Variants in ASXL3 observed in about 807,000 individuals in gnomAD.
ASXL3 encodes ASXL transcriptional regulator 3, also known as putative Polycomb group protein ASXL3.
A neutral mutation model predicts 170.6 loss-of-function variants in ASXL3; 34 were observed. The ratio of observed to expected loss-of-function variants is 0.20; its 90% CI spans 0.15 to 0.27. The LOEUF is 0.27. Among genes scored for constraint, ASXL3 ranks in the 10% least tolerant of loss-of-function variants. The pLI is 1.00. For synonymous variants in ASXL3, 1,002 were observed against 989.1 expected (o/e 1.01, Z -0.24); for missense variants, 2,592 against 2,695.3 (o/e 0.96, Z 0.85).
At chr18:33,721,659 TTCTC>T (rs1168539788) in intron 8 of ASXL3, among the ~76,000 whole-genome samples, 2 of 152,100 alleles carry the variant, frequency 1.3e-5, no homozygotes, top group Admixed American at 6.6e-5. Flanking sequence ...TCGGTAATAT[TTCTC>T]TCTAAAATTT....
rs1003499060 is a variant in ASXL3, at chr18:33,638,841, G to A, written c.138-6053G>A. 1.9e-4 allele frequency among the ~76,000 whole-genome samples: 29 copies of A among 152,050 alleles called. No homozygotes were observed. In the East Asian group the frequency reaches 2.1e-3, roughly 11 times the overall value. ...CATTATAGATGCTCAATAAATGGTA[G>A]CTATAGTAATAGATGTGTTGCCATC... On this transcript the variant is annotated intron_variant, in intron 2 of 11. Coordinates refer to ENST00000269197, the MANE Select transcript of ASXL3 (RefSeq NM_030632.3).
chr18:33,677,024 A>G (rs911229192), intron 7 of ASXL3, among the ~76,000 whole-genome samples: 12 of 152,308 alleles, frequency 7.9e-5, no homozygotes, highest in African/African-American at 2.9e-4. Context: ...AGTTTTAATT[A>G]TACTTCTTCC....
intron 4 of ASXL3, among the ~76,000 whole-genome samples, chr18:33,651,713 G>C (rs568226618): frequency 7.2e-4 from 109 of 152,228 alleles, no homozygotes; most frequent in African/African-American, 2.5e-3. Context: ...TGAGAAGAAA[G>C]TATTTTGTAA....
intron 1 of ASXL3, among the ~76,000 whole-genome samples, chr18:33,599,677 G>A (rs2065164207): frequency 1.3e-5 from 2 of 151,958 alleles, no homozygotes; most frequent in African/African-American, 2.4e-5. Context: ...GTTTTTTTGG[G>A]GCATGTAGAA....
At chr18:33,741,537 TAGG>T (rs2067662905) in intron 11 of ASXL3, among the ~76,000 whole-genome samples, 1 of 152,210 alleles carries the variant, frequency 6.6e-6, no homozygotes, top group Non-Finnish European at 1.5e-5. Flanking sequence ...ATTTTTTACA[TAGG>T]AGAAATATTA....
rs189238189 is a variant in ASXL3 at position 33,663,560 on chromosome 18, A to G, written c.477+1823A>G. On this transcript the variant is annotated intron_variant, in intron 5 of 11. Transcript: ENST00000269197. The stretch of plus-strand genomic sequence containing the variant: ...ACTGCCACTGCTTGCTTAGAGTCTA[A>G]GCTTTGTTTTAAGAATCATGTCCTG... 4.7e-3 allele frequency among the ~76,000 whole-genome samples: 713 copies of G among 151,380 alleles called. 4 individuals carry two copies. The highest frequency in any genetic ancestry group is 0.016 in the African/African-American group (672 of 40,788).
intron 1 of ASXL3, among the ~76,000 whole-genome samples, chr18:33,586,622 T>G (rs1234438710): frequency 6.6e-6 from 1 of 152,072 alleles, no homozygotes; most frequent in Non-Finnish European, 1.5e-5. Context: ...TTAGTGTTGG[T>G]GTATTTCAGG....
At chr18:33,635,963 G>T (rs1404004390) in intron 2 of ASXL3, among the ~76,000 whole-genome samples, 1 of 152,190 alleles carries the variant, frequency 6.6e-6, no homozygotes, top group African/African-American at 2.4e-5. Context: ...TCTATCTCCT[G>T]TGGAATTTCC....
At chr18:33,582,033 C>T (rs1212320597) in intron 1 of ASXL3, among the ~76,000 whole-genome samples, 1 of 152,240 alleles carries the variant, frequency 6.6e-6, no homozygotes, top group South Asian at 2.1e-4. Context: ...TGTTACTTTG[C>T]GCATTGCCAT....
Position 33,748,206 on chromosome 18 carries a change from C to T in ASXL3, c.*1611C>T, listed in dbSNP as rs142237345. 1.8e-3 allele frequency: 271 copies of T among 152,300 alleles called. 3 individuals are homozygous for T. Among genetic ancestry groups the T allele is most frequent in the African/African-American group, 5.6e-3 (234 of 41,556 alleles). The allele number at this position is 152,300 out of a possible 1,614,324, so 9.4% of individuals were successfully genotyped here. A position where few individuals can be genotyped will look rare whatever the true frequency, so the allele number is the denominator to read the frequency against. On this transcript the variant is annotated 3_prime_UTR_variant, in exon 12 of 12. Transcript: ENST00000269197. ...ATCCTAATCACTGTAAACTTTTTGA[C>T]ATTCCCGTAAAACACGTCTTAAAAG...
intron 8 of ASXL3, among the ~76,000 whole-genome samples, chr18:33,689,284 G>A (rs1444767511): frequency 6.6e-6 from 1 of 152,130 alleles, no homozygotes; most frequent in East Asian, 1.9e-4. Flanking sequence ...ATTAGCCACC[G>A]CGCTCAGCCA....
Position 33,634,160 on chromosome 18 carries a change from T to C in ASXL3, c.138-10734T>C, listed in dbSNP as rs1185486821. On this transcript the variant is annotated intron_variant, in intron 2 of 11. Coordinates refer to ENST00000269197, the MANE Select transcript of ASXL3 (RefSeq NM_030632.3). ...TTCCATGTAATTACATTTGCTTGCA[T>C]GAAAACATTAATTGAATCAAGGCAA... Among the ~76,000 whole-genome samples the C allele has an allele frequency of 3.9e-5, 6 of 152,190 alleles. No individual in the cohort carries two copies. In the South Asian group the frequency reaches 1.0e-3, roughly 26 times the overall value.
rs761010321 is a variant in ASXL3, at chr18:33,744,187, G to T, written c.4339G>T (p.Ala1447Ser). 4.3e-6 allele frequency: 7 copies of T among 1,613,944 alleles called. No homozygotes were observed. In the South Asian group the frequency reaches 7.7e-5, roughly 18 times the overall value. The change falls in exon 12 of 12, where the codon GCA becomes TCA. Residue 1447 changes from alanine to serine, a missense_variant. Physicochemically the swap from Ala to Ser is moderately conservative, Grantham distance 99 (BLOSUM62 1). Coordinates refer to ENST00000269197, the MANE Select transcript of ASXL3 (RefSeq NM_030632.3). ...LDKNSGPRNR[A>S]DNSGKPQQPP... ...CAAAAATTCAGGGCCTCGAAACAGG[G>T]CAGATAATTCTGGAAAACCTCAGCA...
At chr18:33,668,117 C>T (rs1307656248) in intron 5 of ASXL3, among the ~76,000 whole-genome samples, 1 of 152,168 alleles carries the variant, frequency 6.6e-6, no homozygotes, top group Non-Finnish European at 1.5e-5. Flanking sequence ...TTAACCACTG[C>T]ATCACACTGC....
chr18:33,750,494 CCCTGCTTCATGGAAA>C lies in ASXL3; in HGVS notation c.*3904_*3918del, dbSNP rs2067867427. ...TTGTACTGCTGTATTCCCCTCCTTC[CCCTGCTTCATGGAAA>C]CCTGATATGATACATATTTTCAGTA... On this transcript the variant is annotated 3_prime_UTR_variant, in exon 12 of 12. Transcript: ENST00000269197. 6.6e-6 allele frequency: 1 copy of C among 151,618 alleles called. No homozygotes were observed. The highest frequency in any genetic ancestry group is 6.6e-5 in the Admixed American group (1 of 15,246). 9.4% of individuals were successfully genotyped at this position (151,618 alleles called of 1,614,324 possible). A position where few individuals can be genotyped will look rare whatever the true frequency, so the allele number is the denominator to read the frequency against.
intron 7 of ASXL3, among the ~76,000 whole-genome samples, chr18:33,675,768 C>T (rs2066415308): frequency 6.6e-6 from 1 of 152,068 alleles, no homozygotes; most frequent in South Asian, 2.1e-4. Flanking sequence ...AGTATGTTCT[C>T]TCAACACTCT....
intron 2 of ASXL3, among the ~76,000 whole-genome samples, chr18:33,623,702 A>G (rs1044041266): frequency 2.0e-4 from 30 of 152,186 alleles, no homozygotes; most frequent in Non-Finnish European, 1.0e-4. Context: ...TCATGTTTCC[A>G]TAAGAAATAT....
chr18:33,723,357 G>A (rs1454383148), intron 8 of ASXL3, among the ~76,000 whole-genome samples: 1 of 152,102 alleles, frequency 6.6e-6, no homozygotes, highest in Non-Finnish European at 1.5e-5. Flanking sequence ...GGTCAAAATA[G>A]CAACATTAAC....
intron 8 of ASXL3, among the ~76,000 whole-genome samples, chr18:33,703,823 C>T (rs2066917722): frequency 6.6e-6 from 1 of 152,036 alleles, no homozygotes. Flanking sequence ...ATAACTGTTT[C>T]TTCATTTGTT....
Sources: allele counts gnomAD v4.1 joint callset (sites outside exome capture counted in the v4.1 genomes callset), GRCh38; gene constraint gnomAD v4.1.1; transcripts MANE v1.5; gene names NCBI Gene and HGNC (gene_info 2026-07-23, HGNC 2026-07-21).